The following DSE variants were observed in gnomAD, a reference collection of about 807,000 sequenced individuals.
DSE encodes dermatan sulfate epimerase.
DSE carries 36 observed loss-of-function variants against 84.4 expected under a neutral mutation model. The observed-to-expected ratio is 0.43, with a 90% CI of 0.33 to 0.56. The LOEUF (loss-of-function observed/expected upper bound fraction) is 0.56. Ranked by LOEUF, DSE falls within the 20% of genes least tolerant of loss-of-function variation. The pLI is 0.06. For synonymous variants in DSE, 410 were observed against 430.1 expected (o/e 0.95, Z 0.58); for missense variants, 862 against 1,169.6 (o/e 0.74, Z 3.84).
At chr6:116,406,765 C>G (rs1161009959) in intron 2 of DSE, among the ~76,000 whole-genome samples, 1 of 152,182 alleles carries the variant, frequency 6.6e-6, no homozygotes, top group Non-Finnish European at 1.5e-5. Context: ...TTACCACAGT[C>G]TCTCTCATCC....
chr6:116,266,276 T>G (rs921902550), intron 2 of DSE, among the ~76,000 whole-genome samples: 10 of 152,244 alleles, frequency 6.6e-5, no homozygotes, highest in African/African-American at 2.4e-4. Flanking sequence ...CCGACATTAT[T>G]GGACAACTGC....
At chr6:116,395,890 T>G (rs1421439652) in intron 1 of DSE, among the ~76,000 whole-genome samples, 1 of 152,238 alleles carries the variant, frequency 6.6e-6, no homozygotes, top group African/African-American at 2.4e-5. Flanking sequence ...TGGGTATTAC[T>G]TCCTCTTTTA....
upstream of DSE, chr6:116,370,946 C>T (rs1779505853): frequency 1.7e-5 from 17 of 985,322 alleles, no homozygotes; most frequent in South Asian, 8.0e-4. Flanking sequence ...GCCCGGCTCT[C>T]AGTAGCGTCG....
At chr6:116,284,618 G>A (rs886842033) in intron 2 of DSE, among the ~76,000 whole-genome samples, 8 of 150,956 alleles carry the variant, frequency 5.3e-5, no homozygotes, top group East Asian at 1.9e-4. Flanking sequence ...CCATTAACTC[G>A]TCATTTACAC....
intron 2 of DSE, among the ~76,000 whole-genome samples, chr6:116,293,278 CTT>C (rs5879371): frequency 6.9e-6 from 1 of 144,270 alleles, no homozygotes. Context: ...TTCTTTTTTT[CTT>C]TTTTTTTTTT....
intron 2 of DSE, among the ~76,000 whole-genome samples, chr6:116,353,295 A>AG (rs1168148777): frequency 6.6e-6 from 1 of 152,154 alleles, no homozygotes; most frequent in Non-Finnish European, 1.5e-5. Flanking sequence ...AAGACTGCTA[A>AG]GGGGGAGTAG....
At position 116,438,164 on chromosome 6, in the gene DSE, G is replaced by A. The variant is rs569416792; in HGVS notation, c.*819G>A. 1 of 152,534 alleles carries A rather than the reference G, an allele frequency of 6.6e-6. No individual in the cohort carries two copies. Among genetic ancestry groups the A allele is most frequent in the Non-Finnish European group, 1.5e-5 (1 of 67,942 alleles). 9.4% of individuals were successfully genotyped at this position (152,534 alleles called of 1,614,324 possible). A position where few individuals can be genotyped will look rare whatever the true frequency, so the allele number is the denominator to read the frequency against. On this transcript the variant is annotated 3_prime_UTR_variant, in exon 6 of 6. Coordinates refer to ENST00000644252, the MANE Select transcript of DSE (RefSeq NM_013352.4). ...AAAGAAAATATTTTCTATTATGAATGTTGATTTTCATACCAAAGAAGATGG... is the reference window on the plus strand; with the variant it reads ...AAAGAAAATATTTTCTATTATGAATATTGATTTTCATACCAAAGAAGATGG...
intron 2 of DSE, among the ~76,000 whole-genome samples, chr6:116,261,732 G>C (rs1041934321): frequency 5.3e-5 from 8 of 152,076 alleles, no homozygotes; most frequent in African/African-American, 1.9e-4. Context: ...GTTGGCTGTG[G>C]GTTTGTCATA....
chr6:116,417,361 A>G (rs760303724), intron 2 of DSE, among the ~76,000 whole-genome samples: 6 of 152,258 alleles, frequency 3.9e-5, no homozygotes, highest in Admixed American at 2.0e-4. Context: ...CCCATTTAAC[A>G]GTACTACTCT....
At chr6:116,257,835 T>C (rs921794374) in intron 1 of DSE, among the ~76,000 whole-genome samples, 2 of 152,008 alleles carry the variant, frequency 1.3e-5, no homozygotes, top group African/African-American at 2.4e-5. Flanking sequence ...TACTCTCACA[T>C]TGGGGATTAG....
chr6:116,292,602 AG>A (rs994281471), intron 2 of DSE, among the ~76,000 whole-genome samples: 2 of 152,166 alleles, frequency 1.3e-5, no homozygotes, highest in Non-Finnish European at 1.5e-5. Flanking sequence ...GAATGTTTGT[AG>A]GGAGCAGCAT....
intron 2 of DSE, among the ~76,000 whole-genome samples, chr6:116,281,455 G>T (rs890598039): frequency 6.6e-6 from 1 of 152,166 alleles, no homozygotes; most frequent in African/African-American, 2.4e-5. Context: ...GCATCTATGG[G>T]TGCCTCAAGT....
intron 2 of DSE, among the ~76,000 whole-genome samples, chr6:116,312,882 T>C (rs989789802): frequency 1.3e-5 from 2 of 152,114 alleles, no homozygotes; most frequent in African/African-American, 4.8e-5. Context: ...AAATGTAATT[T>C]GGGATGGTGA....
At chr6:116,330,131 A>C (rs73548973) in intron 2 of DSE, among the ~76,000 whole-genome samples, 28,702 of 152,174 alleles carry the variant, frequency 0.19, 3,185 homozygotes, top group African/African-American at 0.3. Context: ...GGCCCATACT[A>C]ATGTACTTAA....
In DSE at chr6:116,399,683, T is replaced by C; in HGVS notation, c.416+17T>C. 2.5e-6 allele frequency: 4 copies of C among 1,605,020 alleles called. No homozygotes were observed. Among genetic ancestry groups the C allele is most frequent in the Non-Finnish European group, 3.4e-6 (4 of 1,174,324 alleles). On this transcript the variant is annotated intron_variant, in intron 2 of 5. Transcript: ENST00000644252. ...GCCTAGTTGGTAGATTTTTGTCTTG[T>C]TCTTCTTACTGTGGTAACTCTGCAT...
intron 1 of DSE, chr6:116,255,449 C>G (rs1772104133): frequency 6.6e-6 from 1 of 152,196 alleles, no homozygotes; most frequent in Non-Finnish European, 1.5e-5. Flanking sequence ...CCTAGTCAGC[C>G]TACCCAAGGA....
At chr6:116,307,762 A>T (rs1209516472) in intron 2 of DSE, among the ~76,000 whole-genome samples, 1 of 152,232 alleles carries the variant, frequency 6.6e-6, no homozygotes, top group Non-Finnish European at 1.5e-5. Flanking sequence ...TGTGCAGCCC[A>T]TGCTGCACAA....
At chr6:116,283,238 A>T (rs1410646586) in intron 2 of DSE, among the ~76,000 whole-genome samples, 1 of 152,224 alleles carries the variant, frequency 6.6e-6, no homozygotes, top group Non-Finnish European at 1.5e-5. Flanking sequence ...ACTTTACCAA[A>T]GTCATACATA....
intron 2 of DSE, among the ~76,000 whole-genome samples, chr6:116,416,038 A>G (rs1206459665): frequency 6.6e-6 from 1 of 152,156 alleles, no homozygotes; most frequent in Admixed American, 6.6e-5. Flanking sequence ...GCCTTTTTCT[A>G]GCTTTTGGAG....
Sources: gnomAD v4.1 joint callset for allele counts (sites outside exome capture counted in the v4.1 genomes callset) on GRCh38, gnomAD v4.1.1 for gene constraint, MANE v1.5 for transcripts, NCBI Gene and HGNC (gene_info 2026-07-23, HGNC 2026-07-21) for gene names.